Variants in MECOM observed in about 807,000 individuals in gnomAD.
The protein encoded by MECOM is histone-lysine N-methyltransferase MECOM.
Under a neutral mutation model 116.3 loss-of-function variants are expected in MECOM, and 13 were observed. That is an observed-to-expected ratio of 0.11 (90% CI 0.07 to 0.18). The LOEUF (loss-of-function observed/expected upper bound fraction) is 0.18. Among genes scored for constraint, MECOM ranks in the 10% least tolerant of loss-of-function variants. MECOM has a pLI of 1.00. For synonymous variants in MECOM, 528 were observed against 535.2 expected, an observed-to-expected ratio of 0.99 and a Z score of 0.19; for missense variants, 1,299 against 1,509.0, an observed-to-expected ratio of 0.86 and a Z score of 2.31.
intron 10 of MECOM, among the ~76,000 whole-genome samples, chr3:169,105,217 A>G (rs1277257142): frequency 2.6e-5 from 4 of 152,170 alleles, no homozygotes; most frequent in Non-Finnish European, 4.4e-5. Flanking sequence ...GTTGAAAAGA[A>G]TAAGTTTCCA....
At chr3:169,631,028 T>G (rs16854236) in intron 1 of MECOM, among the ~76,000 whole-genome samples, 12,734 of 152,288 alleles carry the variant, frequency 0.084, 664 homozygotes, top group East Asian at 0.25. Flanking sequence ...ATTGATGTCC[T>G]CCTCCATCAG....
intron 2 of MECOM, chr3:169,145,378 C>A: frequency 3.7e-6 from 1 of 267,732 alleles, no homozygotes; most frequent in Non-Finnish European, 7.1e-6. Context: ...GAGATTTCCC[C>A]CCATCCCAGA....
chr3:169,615,733 A>C (rs1769914090), intron 1 of MECOM, among the ~76,000 whole-genome samples: 1 of 152,294 alleles, frequency 6.6e-6, no homozygotes, highest in Admixed American at 6.5e-5. Flanking sequence ...TTTTGTTTTG[A>C]TTTCAATTGC....
chr3:169,146,028 C>T (rs1739793568), intron 2 of MECOM: 1 of 230,936 alleles, frequency 4.3e-6, no homozygotes, highest in African/African-American at 2.2e-5. Flanking sequence ...ATTTGTCTCC[C>T]AAATGTCTTA....
At chr3:169,321,084 G>A (rs1021021566) in intron 2 of MECOM, among the ~76,000 whole-genome samples, 1 of 152,146 alleles carries the variant, frequency 6.6e-6, no homozygotes, top group Non-Finnish European at 1.5e-5. Flanking sequence ...TGCCAGGATA[G>A]GAAGGCCACC....
intron 2 of MECOM, among the ~76,000 whole-genome samples, chr3:169,320,773 A>C (rs1300199543): frequency 4.6e-5 from 7 of 152,146 alleles, no homozygotes; most frequent in Admixed American, 4.6e-4. Flanking sequence ...TGACATTTTG[A>C]GCAACACTGT....
chr3:169,186,404 G>A (rs1187604913), intron 2 of MECOM, among the ~76,000 whole-genome samples: 1 of 119,394 alleles, frequency 8.4e-6, no homozygotes, highest in Non-Finnish European at 1.8e-5. Flanking sequence ...GAGGGAGGGA[G>A]GGAGGGAGGG....
At chr3:169,280,954 G>A (rs1026655068) in intron 2 of MECOM, among the ~76,000 whole-genome samples, 6 of 152,178 alleles carry the variant, frequency 3.9e-5, no homozygotes, top group South Asian at 2.1e-4. Flanking sequence ...TTAACTCTTC[G>A]TGGTATTATG....
intron 1 of MECOM, among the ~76,000 whole-genome samples, chr3:169,581,635 C>T (rs1416850964): frequency 6.6e-6 from 1 of 152,132 alleles, no homozygotes; most frequent in Non-Finnish European, 1.5e-5. Flanking sequence ...TTTTCTTGCC[C>T]TGTCATCTTG....
chr3:169,461,565 G>A lies in MECOM; in HGVS notation c.38-80041C>T, dbSNP rs141914817. Among the ~76,000 whole-genome samples the A allele has an allele frequency of 5.5e-4, 83 of 152,248 alleles. 1 individual carries two copies. The East Asian group carries it at 0.014, about 26-fold the overall frequency. ...TAGCAATGAAAGACCCAGGCTTCTT[G>A]GTTCCCACTGTACCACATTTCCAGC... On this transcript the variant is annotated intron_variant, in intron 1 of 16. Transcript: ENST00000651503.
At chr3:169,341,480 G>A (rs1196706341) in intron 2 of MECOM, among the ~76,000 whole-genome samples, 1 of 150,128 alleles carries the variant, frequency 6.7e-6, no homozygotes, top group East Asian at 2.0e-4. Context: ...GGTGGCTCAC[G>A]TCTGTAAGCC....
chr3:169,594,594 T>A (rs937550887), intron 1 of MECOM, among the ~76,000 whole-genome samples: 1 of 151,596 alleles, frequency 6.6e-6, no homozygotes, highest in African/African-American at 2.4e-5. Context: ...GAGTTTCCAT[T>A]AGTCCTTCTC....
At chr3:169,615,791 A>C (rs1769922352) in intron 1 of MECOM, among the ~76,000 whole-genome samples, 1 of 152,250 alleles carries the variant, frequency 6.6e-6, no homozygotes, top group Admixed American at 6.5e-5. Flanking sequence ...ACTCTACAAA[A>C]GTGCTAAGTT....
rs10577272 is a variant in MECOM at position 169,096,965 on chromosome 3, GT to G, written c.2850-1721del. 6.6e-3 allele frequency among the ~76,000 whole-genome samples: 881 copies of G among 132,696 alleles called. 10 individuals carry two copies. The highest frequency in any genetic ancestry group is 0.019 in the African/African-American group (709 of 38,138). 87.1% of individuals were successfully genotyped at this position (132,696 alleles called of 152,430 possible). On this transcript the variant is annotated intron_variant, in intron 12 of 16. Coordinates refer to ENST00000651503, the MANE Select transcript of MECOM (RefSeq NM_004991.4). The stretch of plus-strand genomic sequence containing the variant: ...TGGTAGTTGTAATATTTTAGCCCCA[GT>G]TTTTTTTTTTTTTAAATGCGTATAA...
Position 169,382,858 on chromosome 3 carries a change from AAAAAAATAAAAAAAAT to A in MECOM, c.38-1350_38-1335del, listed in dbSNP as rs1158822421. On this transcript the variant is annotated intron_variant, in intron 1 of 16. Coordinates refer to ENST00000651503, the MANE Select transcript of MECOM (RefSeq NM_004991.4). ...GACTGAAAGCCCATCTCAAAAAAAA[AAAAAAATAAAAAAAAT>A]AAAAAAAGAAGGTAAAATGGGTTGC... is the stretch of plus-strand genomic sequence containing the variant. Among the ~76,000 whole-genome samples the A allele has an allele frequency of 4.5e-4, 48 of 105,820 alleles. 7 individuals carry two copies. The highest frequency in any genetic ancestry group is 1.9e-3 in the African/African-American group (48 of 25,568). The allele number at this position is 105,820 out of a possible 152,430, so 69.4% of individuals were successfully genotyped here.
At chr3:169,375,906 T>C (rs980915590) in intron 2 of MECOM, among the ~76,000 whole-genome samples, 2 of 152,150 alleles carry the variant, frequency 1.3e-5, no homozygotes, top group African/African-American at 4.8e-5. Flanking sequence ...ATATCCCTGA[T>C]GAATGTTGAT....
At chr3:169,089,418 T>TA (rs1718950181) in intron 15 of MECOM, among the ~76,000 whole-genome samples, 1 of 152,126 alleles carries the variant, frequency 6.6e-6, no homozygotes, top group African/African-American at 2.4e-5. Flanking sequence ...GATAAAGAGT[T>TA]AAAGTCAGTG....
At chr3:169,537,638 G>A (rs1201586545) in intron 1 of MECOM, among the ~76,000 whole-genome samples, 1 of 151,516 alleles carries the variant, frequency 6.6e-6, no homozygotes, top group Non-Finnish European at 1.5e-5. Context: ...CCTTAGCCCT[G>A]GTTTAATATA....
At chr3:169,124,698 AC>A (rs1732246572) in intron 5 of MECOM, among the ~76,000 whole-genome samples, 1 of 152,136 alleles carries the variant, frequency 6.6e-6, no homozygotes, top group African/African-American at 2.4e-5. Flanking sequence ...AGGTATAATG[AC>A]AAGATTGGCT....
Sources: allele counts gnomAD v4.1 joint callset (sites outside exome capture counted in the v4.1 genomes callset), GRCh38; gene constraint gnomAD v4.1.1; transcripts MANE v1.5; gene names NCBI Gene and HGNC (gene_info 2026-07-23, HGNC 2026-07-21).